The following HMGB1 variants were observed in gnomAD, a reference collection of about 807,000 sequenced individuals.
HMGB1 encodes the protein high mobility group protein B1.
For synonymous variants in HMGB1, 81 were observed against 84.0 expected (o/e 0.96, Z 0.19); for missense variants, 79 against 253.5 (o/e 0.31, Z 4.67).
intron 1 of HMGB1, among the ~76,000 whole-genome samples, chr13:30,586,538 A>G (rs1871163141): frequency 8.3e-6 from 1 of 120,530 alleles, no homozygotes; most frequent in African/African-American, 3.1e-5. Context: ...CCCAGGCTGG[A>G]GTGCAGTGGT....
chr13:30,600,605 C>A (rs1430309774), intron 1 of HMGB1, among the ~76,000 whole-genome samples: 1 of 152,112 alleles, frequency 6.6e-6, no homozygotes, highest in Non-Finnish European at 1.5e-5. Context: ...ATCCAAAAAT[C>A]TGAAGCTTTT....
At chr13:30,461,585 A>C in intron 4 of HMGB1, 52 bp from the exon 5 acceptor site, 1 of 1,569,024 alleles carries the variant, frequency 6.4e-7, no homozygotes, top group South Asian at 1.2e-5. Flanking sequence ...AACATTAAGG[A>C]AAGAAATAGA....
intron 1 of HMGB1, among the ~76,000 whole-genome samples, chr13:30,587,572 G>A (rs1871206600): frequency 6.6e-6 from 1 of 152,166 alleles, no homozygotes; most frequent in Admixed American, 6.5e-5. Flanking sequence ...GATTTTTAGT[G>A]ATTTATTAAA....
At chr13:30,519,334 A>G (rs1299922815) in intron 1 of HMGB1, among the ~76,000 whole-genome samples, 2 of 150,022 alleles carry the variant, frequency 1.3e-5, no homozygotes, top group African/African-American at 2.5e-5. Context: ...TGGAGGTTGC[A>G]GTGAGCCAAG....
chr13:30,538,751 CTT>C (rs1349979975), intron 1 of HMGB1, among the ~76,000 whole-genome samples: 6 of 108,404 alleles, frequency 5.5e-5, no homozygotes, highest in Admixed American at 2.0e-4. Context: ...TCTTCTTTTT[CTT>C]TCTTTCTCTT....
intron 1 of HMGB1, among the ~76,000 whole-genome samples, chr13:30,538,701 CTTTTT>C (rs1566019245): frequency 7.3e-5 from 4 of 55,044 alleles, no homozygotes; most frequent in Non-Finnish European, 1.0e-4. Flanking sequence ...TTCTTTCTTT[CTTTTT>C]CTTTCTTTCT....
chr13:30,615,631 T>C, intron 1 of HMGB1, among the ~76,000 whole-genome samples: 1 of 152,202 alleles, frequency 6.6e-6, no homozygotes, highest in East Asian at 1.9e-4. Context: ...AGAGTGCTTC[T>C]AGAAAGCAGT....
intron 1 of HMGB1, among the ~76,000 whole-genome samples, chr13:30,507,840 T>A (rs1278490011): frequency 2.0e-5 from 3 of 151,950 alleles, no homozygotes; most frequent in Non-Finnish European, 1.5e-5. Flanking sequence ...CATAAAATTT[T>A]AAAAAATTAG....
chr13:30,605,674 C>G (rs1950450690), intron 1 of HMGB1, among the ~76,000 whole-genome samples: 1 of 152,142 alleles, frequency 6.6e-6, no homozygotes, highest in Non-Finnish European at 1.5e-5. Flanking sequence ...AGGTGGTAGC[C>G]ATAAACAATG....
intron 1 of HMGB1, among the ~76,000 whole-genome samples, chr13:30,505,240 GC>G (rs1258368209): frequency 1.3e-5 from 2 of 151,874 alleles, no homozygotes; most frequent in Non-Finnish European, 2.9e-5. Flanking sequence ...GTACAGTGGC[GC>G]CATCTCAGCT....
chr13:30,547,562 A>G (rs1869217039), intron 1 of HMGB1, among the ~76,000 whole-genome samples: 2 of 152,188 alleles, frequency 1.3e-5, no homozygotes, highest in African/African-American at 4.8e-5. Flanking sequence ...GTGGTTTGCT[A>G]TAGAGCATTA....
At chr13:30,533,478 C>T (rs145856823) in intron 1 of HMGB1, among the ~76,000 whole-genome samples, 7 of 152,128 alleles carry the variant, frequency 4.6e-5, no homozygotes, top group African/African-American at 1.7e-4. Flanking sequence ...GATTCTCCTG[C>T]CTTAGCCTCC....
At chr13:30,522,552 A>C (rs1032863227) in intron 1 of HMGB1, among the ~76,000 whole-genome samples, 4 of 152,146 alleles carry the variant, frequency 2.6e-5, no homozygotes, top group Non-Finnish European at 5.9e-5. Flanking sequence ...TGGGTGCAGA[A>C]ATGCTGTCAG....
intron 1 of HMGB1, among the ~76,000 whole-genome samples, chr13:30,529,989 T>A (rs919910326): frequency 6.6e-6 from 1 of 152,218 alleles, no homozygotes; most frequent in Non-Finnish European, 1.5e-5. Context: ...AGAAATGATG[T>A]CTTCAGTCTG....
At chr13:30,569,721 A>G (rs1217170332) in intron 1 of HMGB1, among the ~76,000 whole-genome samples, 1 of 152,108 alleles carries the variant, frequency 6.6e-6, no homozygotes, top group East Asian at 1.9e-4. Flanking sequence ...CACCTTTCCC[A>G]GAGTGCGCTC....
chr13:30,570,462 G>C (rs981186053), intron 1 of HMGB1, among the ~76,000 whole-genome samples: 4 of 152,154 alleles, frequency 2.6e-5, no homozygotes, highest in African/African-American at 9.7e-5. Flanking sequence ...TTGAACTTCT[G>C]CATCTTTATG....
At chr13:30,517,627 G>C (rs954453992) in intron 1 of HMGB1, among the ~76,000 whole-genome samples, 1 of 152,168 alleles carries the variant, frequency 6.6e-6, no homozygotes, top group African/African-American at 2.4e-5. Flanking sequence ...GACCTCAAAT[G>C]ATCCGCCCGC....
chr13:30,530,442 A>G (rs947227428), intron 1 of HMGB1, among the ~76,000 whole-genome samples: 5 of 152,216 alleles, frequency 3.3e-5, no homozygotes, highest in African/African-American at 4.8e-5. Flanking sequence ...GAACTCATAC[A>G]TGTACTGCTG....
Position 30,509,246 on chromosome 13 carries a change from C to CTTTTTTTTTTTTTT in HMGB1, c.-14-45553_-14-45552insAAAAAAAAAAAAAA, listed in dbSNP as rs577983392. On this transcript the variant is annotated intron_variant, in intron 1 of 4. Transcript: ENST00000405805. Reference sequence around the variant, plus strand: ...AGTCACTGCGCCCAGCACCAATATTCTTTTTTTTTTGAGATGGAATCTCAC... The same window carrying CTTTTTTTTTTTTTT: ...AGTCACTGCGCCCAGCACCAATATTCTTTTTTTTTTTTTTTTTTTTTTTTGAGATGGAATCTCAC... Among the ~76,000 whole-genome samples the CTTTTTTTTTTTTTT allele has an allele frequency of 3.2e-4, 46 of 143,058 alleles. 1 individual carries two copies. Among genetic ancestry groups the CTTTTTTTTTTTTTT allele is most frequent in the African/African-American group, 1.1e-3 (41 of 37,904 alleles). The allele number at this position is 143,058 out of a possible 152,430, so 93.9% of individuals were successfully genotyped here.
Sources: gnomAD v4.1 joint callset for allele counts (sites outside exome capture counted in the v4.1 genomes callset) on GRCh38, gnomAD v4.1.1 for gene constraint, MANE v1.5 for transcripts, NCBI Gene and HGNC (gene_info 2026-07-23, HGNC 2026-07-21) for gene names.